Variants in KIAA0825 observed in about 807,000 individuals in gnomAD.
KIAA0825 encodes uncharacterized protein KIAA0825.
A neutral mutation model predicts 147.6 loss-of-function variants in KIAA0825; 119 were observed. That is an observed-to-expected ratio of 0.81 (90% CI 0.69 to 0.94). KIAA0825 has a LOEUF of 0.94. Among genes scored for constraint, KIAA0825 ranks in the 40% least tolerant of loss-of-function variants. The pLI, the probability that KIAA0825 is intolerant of heterozygous loss-of-function variation, is 0.00. For missense variants in KIAA0825, 1,381 were observed against 1,472.7 expected (o/e 0.94, Z 1.02); for synonymous variants, 470 against 518.1 (o/e 0.91, Z 1.26).
At chr5:94,525,163 A>T (rs1769032567) in intron 3 of KIAA0825, among the ~76,000 whole-genome samples, 1 of 151,910 alleles carries the variant, frequency 6.6e-6, no homozygotes, top group Non-Finnish European at 1.5e-5. Flanking sequence ...ATATTAAGAA[A>T]GATTTGATAC....
chr5:94,178,744 T>C (rs560754405), intron 20 of KIAA0825, among the ~76,000 whole-genome samples: 2 of 152,186 alleles, frequency 1.3e-5, no homozygotes, highest in East Asian at 3.9e-4. Flanking sequence ...TTTGGACATG[T>C]TTTGGCCATG....
chr5:94,445,429 GGAA>G (rs1757602040), intron 13 of KIAA0825, among the ~76,000 whole-genome samples: 1 of 152,112 alleles, frequency 6.6e-6, no homozygotes, highest in South Asian at 2.1e-4. Context: ...AGAAGTTAAG[GGAA>G]GAAGATGTTT....
chr5:94,176,921 T>C (rs987298853), intron 20 of KIAA0825, among the ~76,000 whole-genome samples: 2 of 152,126 alleles, frequency 1.3e-5, no homozygotes, highest in African/African-American at 4.8e-5. Context: ...GTTCTCTCAG[T>C]AAGTAACTAT....
intron 1 of KIAA0825, among the ~76,000 whole-genome samples, chr5:94,614,172 C>T (rs1789734800): frequency 6.6e-6 from 1 of 152,058 alleles, no homozygotes; most frequent in Non-Finnish European, 1.5e-5. Context: ...TGGTATAGCA[C>T]ATTGAAAAAA....
At chr5:94,311,507 A>G (rs1562368688) in intron 20 of KIAA0825, among the ~76,000 whole-genome samples, 1 of 151,678 alleles carries the variant, frequency 6.6e-6, no homozygotes, top group Non-Finnish European at 1.5e-5. Flanking sequence ...TAATTTCTTT[A>G]CAAAAATACT....
chr5:94,599,621 C>T (rs1785986034), intron 1 of KIAA0825, among the ~76,000 whole-genome samples: 1 of 151,800 alleles, frequency 6.6e-6, no homozygotes, highest in Non-Finnish European at 1.5e-5. Flanking sequence ...TAATGTAATA[C>T]CAAAAGCAGA....
intron 16 of KIAA0825, among the ~76,000 whole-genome samples, chr5:94,397,532 A>G (rs1336076426): frequency 6.6e-6 from 1 of 152,240 alleles, no homozygotes; most frequent in Non-Finnish European, 1.5e-5. Context: ...TGGATTGCAG[A>G]GGAGTCACTA....
chr5:94,576,709 A>G (rs769278090), intron 2 of KIAA0825, among the ~76,000 whole-genome samples: 1 of 152,124 alleles, frequency 6.6e-6, no homozygotes, highest in Non-Finnish European at 1.5e-5. Flanking sequence ...GTACTAATAA[A>G]ACTAAACTAA....
intron 3 of KIAA0825, among the ~76,000 whole-genome samples, chr5:94,525,056 G>A (rs1769010465): frequency 6.6e-6 from 1 of 151,812 alleles, no homozygotes. Context: ...CCTGATGGCA[G>A]CATATCTAAA....
intron 20 of KIAA0825, among the ~76,000 whole-genome samples, chr5:94,353,767 T>C (rs1374141003): frequency 1.3e-5 from 2 of 152,136 alleles, no homozygotes. Context: ...CTAAAAGTTA[T>C]GCACTGATGT....
intron 20 of KIAA0825, among the ~76,000 whole-genome samples, chr5:94,166,423 G>A (rs907416190): frequency 3.3e-5 from 5 of 151,122 alleles, no homozygotes; most frequent in African/African-American, 4.9e-5. Context: ...CAGGAAATAC[G>A]TAATTCAGGT....
intron 20 of KIAA0825, among the ~76,000 whole-genome samples, chr5:94,369,831 G>A (rs973494154): frequency 4.6e-5 from 7 of 152,134 alleles, no homozygotes; most frequent in African/African-American, 1.7e-4. Flanking sequence ...AAAAGAATCA[G>A]TCTGGCATCA....
chr5:94,577,354 A>G (rs929684084), intron 2 of KIAA0825, among the ~76,000 whole-genome samples: 28 of 152,252 alleles, frequency 1.8e-4, no homozygotes, highest in African/African-American at 6.3e-4. Context: ...CAAAGACAGT[A>G]TCAAAGAGGA....
At chr5:94,426,826 T>C (rs1309172883) in intron 14 of KIAA0825, among the ~76,000 whole-genome samples, 2 of 152,314 alleles carry the variant, frequency 1.3e-5, no homozygotes, top group Non-Finnish European at 1.5e-5. Context: ...ATGTACCCCA[T>C]AAATATGTAA....
At chr5:94,304,452 G>A (rs566624233) in intron 20 of KIAA0825, among the ~76,000 whole-genome samples, 6 of 152,156 alleles carry the variant, frequency 3.9e-5, no homozygotes, top group Admixed American at 2.0e-4. Context: ...AGGTAACACT[G>A]GAAGATGCCG....
At chr5:94,265,421 G>A (rs977134684) in intron 20 of KIAA0825, among the ~76,000 whole-genome samples, 17 of 152,250 alleles carry the variant, frequency 1.1e-4, no homozygotes, top group Non-Finnish European at 2.2e-4. Flanking sequence ...AAGTAAAATC[G>A]CTGATGCCTT....
At chr5:94,610,764 CAAAAAAAAAA>C (rs756579848) in intron 1 of KIAA0825, among the ~76,000 whole-genome samples, 1 of 20,844 alleles carries the variant, frequency 4.8e-5, no homozygotes, top group Admixed American at 5.8e-4. Context: ...ACTCTATCTG[CAAAAAAAAAA>C]AAAAAAAAAA....
intron 20 of KIAA0825, among the ~76,000 whole-genome samples, chr5:94,374,562 G>T (rs979345261): frequency 6.6e-6 from 1 of 152,142 alleles, no homozygotes; most frequent in South Asian, 2.1e-4. Flanking sequence ...TATTTGTGCT[G>T]AGGTCATGCT....
chr5:94,528,287 T>C (rs1389698937), intron 3 of KIAA0825, among the ~76,000 whole-genome samples: 2 of 152,208 alleles, frequency 1.3e-5, no homozygotes, highest in Non-Finnish European at 2.9e-5. Flanking sequence ...CCATCTATTG[T>C]TAACCCACCT....
Sources: allele counts gnomAD v4.1 joint callset (sites outside exome capture counted in the v4.1 genomes callset), GRCh38; gene constraint gnomAD v4.1.1; transcripts MANE v1.5; gene names NCBI Gene and HGNC (gene_info 2026-07-23, HGNC 2026-07-21).